OCIAD1: variants seen among roughly 807,000 people sequenced by gnomAD.
The protein encoded by OCIAD1 is OCIA domain containing 1, also known as OCIA domain-containing protein 1.
A neutral mutation model predicts 38.9 loss-of-function variants in OCIAD1; 29 were observed. That is an observed-to-expected ratio of 0.74 (90% CI 0.55 to 1.02). The LOEUF is 1.02. OCIAD1 is among the 50% of genes least tolerant of loss of function. OCIAD1 has a pLI of 0.00. For missense variants in OCIAD1, 288 were observed against 289.6 expected, an observed-to-expected ratio of 0.99 and a Z score of 0.04; for synonymous variants, 110 against 92.0, an observed-to-expected ratio of 1.20 and a Z score of -1.12.
rs552521586 is a variant in OCIAD1 at position 48,809,112 on chromosome 4, C to G, written c.-103+3782C>G. On this transcript the variant is annotated intron_variant, in intron 1 of 6. Coordinates refer to the OCIAD1 transcript ENST00000504654. ...TAGTTAATATAGCTGTTTTCCTTTCCTTTAATTTAATCTGTTACCTACACA... is the reference window on the plus strand; with the variant it reads ...TAGTTAATATAGCTGTTTTCCTTTCGTTTAATTTAATCTGTTACCTACACA... Among the ~76,000 whole-genome samples, 32 of 152,258 alleles carry G rather than the reference C, an allele frequency of 2.1e-4. 1 individual carries two copies. The South Asian group carries it at 2.3e-3, about 11-fold the overall frequency.
At chr4:48,857,162 A>G (rs779435245) in intron 7 of OCIAD1, 51 bp from the exon 8 acceptor site, 93 of 1,202,332 alleles carry the variant, frequency 7.7e-5, no homozygotes, top group Non-Finnish European at 9.9e-5. Flanking sequence ...TAGTTGCTTT[A>G]GAGTTATACA....
chr4:48,841,090 A>G (rs1778484667), intron 3 of OCIAD1, among the ~76,000 whole-genome samples: 1 of 152,214 alleles, frequency 6.6e-6, no homozygotes, highest in Non-Finnish European at 1.5e-5. Flanking sequence ...ATTACATGAA[A>G]TTCATATGTT....
chr4:48,818,203 G>C (rs1378495476), intron 1 of OCIAD1, among the ~76,000 whole-genome samples: 2 of 152,116 alleles, frequency 1.3e-5, no homozygotes, highest in East Asian at 3.9e-4. Context: ...TGCCCCTCTG[G>C]GACGAAACTT....
chr4:48,828,167 G>A (rs1014268439), upstream of OCIAD1, among the ~76,000 whole-genome samples: 2 of 152,050 alleles, frequency 1.3e-5, no homozygotes, highest in Non-Finnish European at 2.9e-5. Context: ...TCTAGCTCAA[G>A]GTTTGTAAAT....
At chr4:48,860,300 A>C in intron 8 of OCIAD1, 1 of 151,618 alleles carries the variant, frequency 6.6e-6, no homozygotes, top group Non-Finnish European at 1.5e-5. Context: ...TTGTTTTATT[A>C]TTTCCCACTA....
intron 5 of OCIAD1, among the ~76,000 whole-genome samples, chr4:48,849,104 G>A (rs144478141): frequency 2.0e-5 from 3 of 152,028 alleles, no homozygotes; most frequent in African/African-American, 4.8e-5. Context: ...ATGAGAACAC[G>A]TGGACACAGG....
chr4:48,811,068 G>C (rs1560406255), intron 1 of OCIAD1, among the ~76,000 whole-genome samples: 1 of 151,870 alleles, frequency 6.6e-6, no homozygotes, highest in African/African-American at 2.4e-5. Flanking sequence ...TGTTGTCCAG[G>C]CTGGTCTCAA....
chr4:48,835,659 C>T (rs181503301), intron 3 of OCIAD1, among the ~76,000 whole-genome samples: 1 of 151,988 alleles, frequency 6.6e-6, no homozygotes. Flanking sequence ...AATCTTGAAC[C>T]CCTGAGTTCA....
At chr4:48,816,875 G>T (rs1217632644) in intron 1 of OCIAD1, among the ~76,000 whole-genome samples, 1 of 151,994 alleles carries the variant, frequency 6.6e-6, no homozygotes, top group Non-Finnish European at 1.5e-5. Flanking sequence ...GAGGCTGAGA[G>T]AAGAGAATCG....
intron 4 of OCIAD1, among the ~76,000 whole-genome samples, chr4:48,846,049 C>G (rs192455431): frequency 6.6e-6 from 1 of 152,184 alleles, no homozygotes; most frequent in Non-Finnish European, 1.5e-5. Flanking sequence ...ACACTATTAT[C>G]TTTGTCTTAA....
At position 48,861,112 on chromosome 4, in the gene OCIAD1, T is replaced by G. The variant is rs1780565353; in HGVS notation, c.*350T>G. 1.0e-5 allele frequency: 2 copies of G among 194,842 alleles called. No individual in the cohort carries two copies. Among genetic ancestry groups the G allele is most frequent in the East Asian group, 2.4e-4 (2 of 8,172 alleles). 12.1% of individuals were successfully genotyped at this position (194,842 alleles called of 1,614,324 possible). ...AATAAATGATATCTGCATGTTGAAT[T>G]GGGGTGGATGGGGGGAGCAAGCATA... On this transcript the variant is annotated 3_prime_UTR_variant, in exon 9 of 9. Coordinates refer to ENST00000264312, the MANE Select transcript of OCIAD1 (RefSeq NM_017830.4).
Position 48,859,324 on chromosome 4 carries a change from G to A in OCIAD1, c.701-1401G>A, listed in dbSNP as rs529944654. The stretch of plus-strand genomic sequence containing the variant: ...AACTGCATCTAGTGGCCATTGCTCT[G>A]TAATATGTAAAGACTTGTCGGTACT... On this transcript the variant is annotated intron_variant, in intron 8 of 8. Coordinates refer to ENST00000264312, the MANE Select transcript of OCIAD1 (RefSeq NM_017830.4). 3.3e-5 allele frequency among the ~76,000 whole-genome samples: 5 copies of A among 152,228 alleles called. No individual in the cohort carries two copies. The South Asian group carries it at 1.0e-3, about 32-fold the overall frequency.
intron 3 of OCIAD1, among the ~76,000 whole-genome samples, chr4:48,840,833 C>CAAA (rs1233881090): frequency 8.6e-5 from 4 of 46,356 alleles, no homozygotes; most frequent in Middle Eastern, 0.014. Context: ...CTCATCTCTA[C>CAAA]AAAAAAAAAA....
chr4:48,833,364 G>A, intron 2 of OCIAD1, 37 bp from the exon 3 acceptor site: 3 of 1,239,334 alleles, frequency 2.4e-6, no homozygotes. Flanking sequence ...TTTTATTATG[G>A]ATAATTTAAT....
At chr4:48,818,275 T>G (rs1777161054) in intron 1 of OCIAD1, among the ~76,000 whole-genome samples, 2 of 152,188 alleles carry the variant, frequency 1.3e-5, no homozygotes, top group South Asian at 2.1e-4. Context: ...GATACCCAGG[T>G]GAACAGGGTC....
chr4:48,806,998 G>A (rs753904804), intron 1 of OCIAD1, among the ~76,000 whole-genome samples: 6 of 152,042 alleles, frequency 3.9e-5, no homozygotes, highest in Non-Finnish European at 7.4e-5. Context: ...CAAACTCCTG[G>A]GCTCAAGCGA....
chr4:48,835,922 G>C (rs1195140847), intron 3 of OCIAD1, among the ~76,000 whole-genome samples: 1 of 152,214 alleles, frequency 6.6e-6, no homozygotes, highest in Admixed American at 6.5e-5. Flanking sequence ...GTGAACAAAG[G>C]CAGAGTTTGC....
intron 7 of OCIAD1, among the ~76,000 whole-genome samples, chr4:48,854,456 G>A (rs1560439794): frequency 6.6e-6 from 1 of 152,174 alleles, no homozygotes; most frequent in Non-Finnish European, 1.5e-5. Flanking sequence ...CCTGGAAAGC[G>A]AAACCACAGA....
chr4:48,843,817 C>G (rs1344784370), intron 4 of OCIAD1, among the ~76,000 whole-genome samples: 2 of 152,174 alleles, frequency 1.3e-5, no homozygotes, highest in African/African-American at 4.8e-5. Context: ...TGTTCTGCTT[C>G]TTTTATCTAT....
Sources: allele counts gnomAD v4.1 joint callset (sites outside exome capture counted in the v4.1 genomes callset), GRCh38; gene constraint gnomAD v4.1.1; transcripts MANE v1.5; gene names NCBI Gene and HGNC (gene_info 2026-07-23, HGNC 2026-07-21).